The following SEH1L variants were observed in gnomAD, a reference collection of about 807,000 sequenced individuals.
SEH1L encodes SEH1 like nucleoporin.
A neutral mutation model predicts 49.5 loss-of-function variants in SEH1L; 18 were observed. The observed-to-expected ratio is 0.36, with a 90% confidence interval of 0.25 to 0.54. The LOEUF is 0.54. SEH1L is among the 20% of genes least tolerant of loss of function. The pLI is 0.87. For synonymous variants in SEH1L, 169 were observed against 178.1 expected, an observed-to-expected ratio of 0.95 and a Z score of 0.41; for missense variants, 404 against 528.8, an observed-to-expected ratio of 0.76 and a Z score of 2.31.
chr18:12,960,287 A>G (rs1257891856), intron 3 of SEH1L, among the ~76,000 whole-genome samples: 4 of 152,272 alleles, frequency 2.6e-5, no homozygotes, highest in Non-Finnish European at 5.9e-5. Context: ...TGCGCAAGCA[A>G]GCAAGGGCCT....
At chr18:12,978,997 G>T in intron 6 of SEH1L, 105 bp downstream of exon 6, 4 of 1,064,838 alleles carry the variant, frequency 3.8e-6, no homozygotes, top group African/African-American at 1.6e-5. Flanking sequence ...TTATATTTCT[G>T]CTCTGGAAGT....
chr18:12,951,638 G>T (rs1456233430), intron 1 of SEH1L, among the ~76,000 whole-genome samples: 1 of 152,184 alleles, frequency 6.6e-6, no homozygotes, highest in Non-Finnish European at 1.5e-5. Context: ...TGATCCGTTT[G>T]CCTTGGCCTC....
At chr18:12,983,225 G>T (rs756796713) in intron 7 of SEH1L, 1 of 152,334 alleles carries the variant, frequency 6.6e-6, no homozygotes, top group Non-Finnish European at 1.5e-5. Flanking sequence ...TATCCATTAG[G>T]CAGAGATGTC....
At chr18:12,975,043 A>G (rs530371217) in intron 5 of SEH1L, among the ~76,000 whole-genome samples, 5 of 150,322 alleles carry the variant, frequency 3.3e-5, no homozygotes, top group African/African-American at 1.2e-4. Flanking sequence ...CCCAGGTTGG[A>G]GTGCAATGGT....
At chr18:12,973,386 A>C (rs1598966816) in intron 5 of SEH1L, 1 of 151,018 alleles carries the variant, frequency 6.6e-6, no homozygotes, top group East Asian at 2.0e-4. Flanking sequence ...TGCAACCTCT[A>C]CCTCCCGAGT....
At position 12,971,265 on chromosome 18, in the gene SEH1L, T is replaced by C; in HGVS notation, c.620+14T>C. 6.5e-7 allele frequency: 1 copy of C among 1,535,578 alleles called. No individual in the cohort carries two copies. The highest frequency in any genetic ancestry group is 9.0e-7 in the Non-Finnish European group (1 of 1,112,342). On this transcript the variant is annotated intron_variant, in intron 5 of 8. Transcript: ENST00000399892. ...TGAAAACACCAGGTCAGTCCTGCTT[T>C]GGTTTTAATAATTGTTCAGAATTGC...
rs764022655 is a variant in SEH1L at position 12,963,167 on chromosome 18, G to T, written c.317G>T (p.Arg106Met). 2 of 1,607,662 alleles carry T rather than the reference G, an allele frequency of 1.2e-6. No homozygotes were observed. The highest frequency in any genetic ancestry group is 1.1e-5 in the South Asian group (1 of 89,438). Residue 106 changes from arginine to methionine, a missense_variant, in exon 4 of 9, where the codon AGG becomes ATG. Arg to Met is a moderately conservative substitution (Grantham distance 91). Around this residue, in one of 3 missense-constraint regions of SEH1L, gnomAD observed 342 missense variants for 430.8 expected, o/e 0.79. Transcript: ENST00000399892. ...TTATTATTTTTTTTTTAGGTTAAAA[G>T]GACAACTCTGGTGGATAGCAGAACA... ...KLRGQSHWVK[R>M]TTLVDSRTSV...
intron 6 of SEH1L, among the ~76,000 whole-genome samples, chr18:12,980,699 A>C (rs1397362013): frequency 0.012 from 322 of 27,854 alleles, no homozygotes; most frequent in Admixed American, 0.014. Context: ...GGGGGCTGAC[A>C]CCCCCCACTT....
chr18:12,985,227 T>C (rs1283899018), intron 8 of SEH1L: 3 of 1,607,878 alleles, frequency 1.9e-6, no homozygotes, highest in African/African-American at 1.3e-5. Context: ...ATTTGTATTA[T>C]GTCCTTTAAC....
intron 4 of SEH1L, 26 bp downstream of exon 4, chr18:12,963,397 T>A: frequency 1.3e-6 from 2 of 1,542,576 alleles, no homozygotes; most frequent in Non-Finnish European, 9.0e-7. Flanking sequence ...AAACCTCTGA[T>A]AACATCCTAG....
chr18:12,974,451 T>C (rs1007806421), intron 5 of SEH1L: 1 of 152,088 alleles, frequency 6.6e-6, no homozygotes, highest in Admixed American at 6.6e-5. Context: ...AGCTAACTTT[T>C]GTATTTTTAG....
chr18:12,949,688 C>T (rs1190160468), intron 1 of SEH1L, among the ~76,000 whole-genome samples: 1 of 151,846 alleles, frequency 6.6e-6, no homozygotes, highest in Non-Finnish European at 1.5e-5. Flanking sequence ...CTCCTGACCT[C>T]GTGATCCGCC....
chr18:12,978,888 G>C lies in SEH1L; in HGVS notation c.757G>C (p.Val253Leu), dbSNP rs368812938. The change falls in exon 6 of 9, where the codon GTG becomes CTG. Residue 253 changes from valine (V) to leucine (L), a missense_variant. By Grantham distance (32) the Val-to-Leu change is conservative (BLOSUM62 1). This residue lies in a region of SEH1L where 342 missense variants were observed against 430.8 expected (regional missense o/e 0.79). Coordinates refer to ENST00000399892, the MANE Select transcript of SEH1L (RefSeq NM_001013437.2). ...KDVRIFTLKPVRKELTSSGGP... is the reference protein window; with the variant it reads ...KDVRIFTLKPLRKELTSSGGP... ...TGTGAGAATTTTTACATTAAAGCCT[G>C]TGAGGTGAGTTTTAGAAGCATTTAT... The C allele has an allele frequency of 3.0e-5, 48 of 1,613,644 alleles. 1 individual carries two copies. The African/African-American group carries it at 3.7e-4, about 13-fold the overall frequency.
At chr18:12,962,078 G>A (rs1308699926) in intron 3 of SEH1L, among the ~76,000 whole-genome samples, 1 of 152,022 alleles carries the variant, frequency 6.6e-6, no homozygotes, top group Non-Finnish European at 1.5e-5. Flanking sequence ...CATTCTTTTG[G>A]TCCCTGTTAA....
At chr18:12,969,504 A>G (rs28735037) in intron 4 of SEH1L, among the ~76,000 whole-genome samples, 5,180 of 151,930 alleles carry the variant, frequency 0.034, 272 homozygotes, top group African/African-American at 0.12. Context: ...CCTGGCCAAC[A>G]TGGTGAAACC....
At chr18:12,958,819 A>G (rs905735805) in intron 3 of SEH1L, among the ~76,000 whole-genome samples, 2 of 152,238 alleles carry the variant, frequency 1.3e-5, no homozygotes, top group Non-Finnish European at 2.9e-5. Flanking sequence ...ATTGTTGTAC[A>G]GATAAATGTT....
chr18:12,976,044 G>T (rs762323947), intron 5 of SEH1L: 5 of 175,178 alleles, frequency 2.9e-5, no homozygotes, highest in Non-Finnish European at 5.6e-5. Flanking sequence ...GGATAGAATA[G>T]CTGAGATTAG....
chr18:12,955,327 C>G, intron 2 of SEH1L, 136 bp from the exon 3 acceptor site: 1 of 734,718 alleles, frequency 1.4e-6, no homozygotes, highest in Non-Finnish European at 2.1e-6. Context: ...CAGTTTTCTT[C>G]TCTCATAGAA....
intron 6 of SEH1L, among the ~76,000 whole-genome samples, chr18:12,981,071 G>T (rs1964084): frequency 1.3e-5 from 2 of 150,258 alleles, no homozygotes; most frequent in Admixed American, 6.6e-5. Context: ...AGACGGGGCG[G>T]TTGCCAGGCA....
Sources: gnomAD v4.1 joint callset for allele counts (sites outside exome capture counted in the v4.1 genomes callset) on GRCh38, gnomAD v4.1.1 for gene constraint, gnomAD v4.1.1 regional missense constraint, MANE v1.5 for transcripts, NCBI Gene and HGNC (gene_info 2026-07-23, HGNC 2026-07-21) for gene names.